TMEM120B: variants seen among roughly 807,000 people sequenced by gnomAD.
The protein encoded by TMEM120B is transmembrane protein 120B.
Under a neutral mutation model 55.5 loss-of-function variants are expected in TMEM120B, and 31 were observed. The observed-to-expected ratio is 0.56, with a 90% confidence interval of 0.42 to 0.75. TMEM120B has a LOEUF of 0.75. Among genes scored for constraint, TMEM120B ranks in the 30% least tolerant of loss-of-function variants. TMEM120B has a pLI of 0.00. For synonymous variants in TMEM120B, 203 were observed against 176.3 expected, an observed-to-expected ratio of 1.15 and a Z score of -1.20; for missense variants, 399 against 425.5, an observed-to-expected ratio of 0.94 and a Z score of 0.55.
At chr12:121,738,497 T>G (rs925001006) in intron 1 of TMEM120B, among the ~76,000 whole-genome samples, 4 of 152,168 alleles carry the variant, frequency 2.6e-5, no homozygotes, top group African/African-American at 9.6e-5. Context: ...GGGCCCCGTC[T>G]TCCCCAAGGT....
chr12:121,715,108 C>T (rs763255892), intron 1 of TMEM120B, among the ~76,000 whole-genome samples: 1 of 151,890 alleles, frequency 6.6e-6, no homozygotes, highest in Non-Finnish European at 1.5e-5. Flanking sequence ...GAGACCGAGG[C>T]GGGTGGATCA....
intron 2 of TMEM120B, among the ~76,000 whole-genome samples, chr12:121,745,821 C>T (rs1294804039): frequency 6.6e-6 from 1 of 151,916 alleles, no homozygotes; most frequent in Non-Finnish European, 1.5e-5. Flanking sequence ...AATACTAGGA[C>T]TACATGCATG....
chr12:121,717,256 C>T lies in TMEM120B; in HGVS notation c.69+4292C>T, dbSNP rs141474946. Among the ~76,000 whole-genome samples, 482 of 152,270 alleles carry T rather than the reference C, an allele frequency of 3.2e-3. 4 individuals carry two copies. The highest frequency in any genetic ancestry group is 5.6e-3 in the Non-Finnish European group (383 of 68,022). ...ACTGGAAACCTGATCTCGTTCCTCC[C>T]AGCCAAGGAAGAAGGTGGCCCGTAG... On this transcript the variant is annotated intron_variant, in intron 1 of 11. Transcript: ENST00000449592.
Position 121,776,699 on chromosome 12 carries a change from C to T in TMEM120B, c.*977C>T, listed in dbSNP as rs1430727961. 1 of 152,280 alleles carries T rather than the reference C, an allele frequency of 6.6e-6. No homozygotes were observed. Among genetic ancestry groups the T allele is most frequent in the Non-Finnish European group, 1.5e-5 (1 of 68,072 alleles). The allele number at this position is 152,280 out of a possible 1,614,324, so 9.4% of individuals were successfully genotyped here. ...ACCATTCATATATGGGCCTCAGCTC[C>T]CCCTAACTGTGGCCCTACAAATCCC... is the stretch of plus-strand genomic sequence containing the variant. On this transcript the variant is annotated 3_prime_UTR_variant, in exon 12 of 12. Transcript: ENST00000449592.
In TMEM120B at chr12:121,712,892, C is replaced by T; in HGVS notation, c.-4C>T. On this transcript the variant is annotated 5_prime_UTR_variant, in exon 1 of 12. Coordinates refer to ENST00000449592, the MANE Select transcript of TMEM120B (RefSeq NM_001080825.2). ...CCGGCACCGCCGCCTTGCACCATCG[C>T]ATCATGTCCGGGCAGCTGGAGCGTT... The T allele has an allele frequency of 9.2e-6, 14 of 1,526,910 alleles. No individual in the cohort carries two copies. The highest frequency in any genetic ancestry group is 1.2e-5 in the Non-Finnish European group (14 of 1,143,574). The allele number at this position is 1,526,910 out of a possible 1,614,324, so 94.6% of individuals were successfully genotyped here.
chr12:121,724,113 C>T (rs1004123652), intron 1 of TMEM120B, among the ~76,000 whole-genome samples: 1 of 143,680 alleles, frequency 7.0e-6, no homozygotes, highest in African/African-American at 2.5e-5. Context: ...TCTCCACTCA[C>T]TGCATCCTTC....
chr12:121,774,526 C>G (rs1874170677), intron 9 of TMEM120B, 132 bp from the exon 10 acceptor site: 1 of 802,490 alleles, frequency 1.2e-6, no homozygotes, highest in Admixed American at 2.5e-5. Flanking sequence ...CAGGTGAGGG[C>G]TGACCCCCCG....
intron 1 of TMEM120B, among the ~76,000 whole-genome samples, chr12:121,735,880 G>A (rs1261327661): frequency 6.6e-6 from 1 of 151,946 alleles, no homozygotes; most frequent in Non-Finnish European, 1.5e-5. Flanking sequence ...TAGTAGAGAC[G>A]GGGGTTTCAC....
At chr12:121,748,163 A>G (rs1873155476) in intron 2 of TMEM120B, among the ~76,000 whole-genome samples, 163 bp from the exon 3 acceptor site, 1 of 60,786 alleles carries the variant, frequency 1.6e-5, no homozygotes, top group Non-Finnish European at 3.4e-5. Flanking sequence ...AGAAGGTGGG[A>G]GGCACTGGGG....
intron 1 of TMEM120B, among the ~76,000 whole-genome samples, chr12:121,727,853 G>A (rs532698437): frequency 6.6e-4 from 84 of 126,654 alleles, no homozygotes; most frequent in African/African-American, 2.1e-3. Flanking sequence ...CAGCCTGGGC[G>A]ACAGAGCGAC....
In TMEM120B at chr12:121,779,821, G is replaced by A. The variant is rs1012849008; in HGVS notation, c.*4099G>A. The A allele has an allele frequency of 1.7e-5, 13 of 756,128 alleles. No homozygotes were observed. The African/African-American group carries it at 1.8e-4, about 10-fold the overall frequency. 46.8% of individuals were successfully genotyped at this position (756,128 alleles called of 1,614,324 possible). A position where few individuals can be genotyped will look rare whatever the true frequency, so the allele number is the denominator to read the frequency against. ...TCCTGGCTGCCCCTCACAGTGTGTG[G>A]GTGGAATGGAGGGCCAGGGCAGTGC... On this transcript the variant is annotated 3_prime_UTR_variant, in exon 12 of 12. Coordinates refer to ENST00000449592, the MANE Select transcript of TMEM120B (RefSeq NM_001080825.2).
In TMEM120B at chr12:121,763,303, C is replaced by CA. The variant is rs1873741813; in HGVS notation, c.551+1566dup. 2.0e-5 allele frequency among the ~76,000 whole-genome samples: 3 copies of CA among 151,600 alleles called. No homozygotes were observed. In the South Asian group the frequency reaches 6.2e-4, roughly 32 times the overall value. ...TCAGCCTCTTGAGTAGCTGGGACTA[C>CA]AGGCGCCCGCCACCACACCCGGCTA... On this transcript the variant is annotated intron_variant, in intron 6 of 11. Coordinates refer to ENST00000449592, the MANE Select transcript of TMEM120B (RefSeq NM_001080825.2).
chr12:121,750,616 ACCAACACCACAC>A (rs1873252329), intron 4 of TMEM120B, among the ~76,000 whole-genome samples, 177 bp downstream of exon 4: 3 of 96,862 alleles, frequency 3.1e-5, no homozygotes, highest in South Asian at 3.6e-4. Context: ...CAACACCAAC[ACCAACACCACAC>A]CCACACCCCA....
chr12:121,773,951 CTTTTTTTTTTTTTT>C (rs560321014), intron 9 of TMEM120B, among the ~76,000 whole-genome samples: 3 of 96,610 alleles, frequency 3.1e-5, no homozygotes, highest in Non-Finnish European at 5.8e-5. Context: ...ACTCTGCTAT[CTTTTTTTTTTTTTT>C]TTTTTTTTTT....
In TMEM120B at chr12:121,779,872, T is replaced by C. The variant is rs771673833; in HGVS notation, c.*4150T>C. On this transcript the variant is annotated 3_prime_UTR_variant, in exon 12 of 12. Transcript: ENST00000449592. ...AGCCCGCAGGTTGGAAGAAGCCCTGTCCAGGCCCCCACCCTGGCCTCTCTC... is the reference window on the plus strand; with the variant it reads ...AGCCCGCAGGTTGGAAGAAGCCCTGCCCAGGCCCCCACCCTGGCCTCTCTC... 1.7e-6 allele frequency: 1 copy of C among 573,522 alleles called. No individual in the cohort carries two copies. Among genetic ancestry groups the C allele is most frequent in the Non-Finnish European group, 3.1e-6 (1 of 323,632 alleles). The allele number at this position is 573,522 out of a possible 1,614,324, so 35.5% of individuals were successfully genotyped here.
At chr12:121,733,567 TCTCA>T (rs1301820628) in intron 1 of TMEM120B, among the ~76,000 whole-genome samples, 1 of 143,228 alleles carries the variant, frequency 7.0e-6, no homozygotes, top group African/African-American at 2.6e-5. Flanking sequence ...TGAGACAGAG[TCTCA>T]CTCTGTTGCC....
At chr12:121,719,911 G>A (rs965453820) in intron 1 of TMEM120B, among the ~76,000 whole-genome samples, 1 of 152,144 alleles carries the variant, frequency 6.6e-6, no homozygotes, top group East Asian at 1.9e-4. Context: ...ATGTTGGCCA[G>A]CTGGTCTCGA....
chr12:121,723,770 A>G (rs1425457745), intron 1 of TMEM120B, among the ~76,000 whole-genome samples: 1 of 152,118 alleles, frequency 6.6e-6, no homozygotes, highest in Non-Finnish European at 1.5e-5. Flanking sequence ...GGAGGGATCC[A>G]TGAGGCCATT....
At chr12:121,719,478 T>A (rs1894756570) in intron 1 of TMEM120B, among the ~76,000 whole-genome samples, 1 of 151,982 alleles carries the variant, frequency 6.6e-6, no homozygotes, top group Non-Finnish European at 1.5e-5. Flanking sequence ...CCCACCTACT[T>A]GGGAGGCTGA....
Sources: allele counts gnomAD v4.1 joint callset (sites outside exome capture counted in the v4.1 genomes callset), GRCh38; gene constraint gnomAD v4.1.1; transcripts MANE v1.5; gene names NCBI Gene and HGNC (gene_info 2026-07-23, HGNC 2026-07-21).